CEP290: variants seen among roughly 807,000 people sequenced by gnomAD.
CEP290 encodes centrosomal protein of 290 kDa.
CEP290 carries 317 observed loss-of-function variants against 344.9 expected under a neutral mutation model. The observed-to-expected ratio is 0.92, with a 90% CI of 0.84 to 1.01. The LOEUF (loss-of-function observed/expected upper bound fraction) is 1.01. Among genes scored for constraint, CEP290 ranks in the 50% least tolerant of loss-of-function variants. The pLI, the probability that CEP290 is intolerant of heterozygous loss-of-function variation, is 0.00. For missense variants in CEP290, 2,754 were observed against 2,761.4 expected (o/e 1.00, Z 0.06); for synonymous variants, 932 against 895.8 (o/e 1.04, Z -0.72).
intron 5 of CEP290, 121 bp downstream of exon 5, chr12:88,139,024 C>A (rs2040490489): frequency 3.3e-6 from 2 of 598,406 alleles, no homozygotes; most frequent in Admixed American, 2.9e-5. Context: ...ACAGAATAAA[C>A]AAATAACCAT....
intron 31 of CEP290, among the ~76,000 whole-genome samples, chr12:88,088,523 C>G (rs567993570): frequency 2.0e-5 from 3 of 152,216 alleles, no homozygotes; most frequent in African/African-American, 7.2e-5. Context: ...AACATTCCCA[C>G]TAAAATCTTT....
At chr12:88,069,228 T>C (rs947588867) in intron 43 of CEP290, among the ~76,000 whole-genome samples, 4 of 152,152 alleles carry the variant, frequency 2.6e-5, no homozygotes, top group African/African-American at 9.6e-5. Context: ...TTGCCTCTTA[T>C]CTCTGCTAGG....
rs1565913252 is a variant in CEP290, at chr12:88,129,055, C to G, written c.853-20G>C. ...CTGCACCTAAAAGACAAAGTTATTTCAAGAGTTGTTGCAAACTGATGTAAC... is the reference window on the plus strand; with the variant it reads ...CTGCACCTAAAAGACAAAGTTATTTGAAGAGTTGTTGCAAACTGATGTAAC... On this transcript the variant is annotated intron_variant, in intron 10 of 53. Coordinates refer to ENST00000552810, the MANE Select transcript of CEP290 (RefSeq NM_025114.4). 2.1e-6 allele frequency: 3 copies of G among 1,441,628 alleles called. No homozygotes were observed. Among genetic ancestry groups the G allele is most frequent in the Non-Finnish European group, 2.8e-6 (3 of 1,084,470 alleles). 89.3% of individuals were successfully genotyped at this position (1,441,628 alleles called of 1,614,324 possible).
At chr12:88,128,648 T>G (rs556062490) in intron 11 of CEP290, among the ~76,000 whole-genome samples, 116 of 152,262 alleles carry the variant, frequency 7.6e-4, no homozygotes, top group Non-Finnish European at 1.3e-3. Flanking sequence ...GTAAAAAAAT[T>G]TAAATTATAT....
At chr12:88,072,297 TGTGTTTTGAC>T (rs2035439438) in intron 41 of CEP290, among the ~76,000 whole-genome samples, 1 of 15,826 alleles carries the variant, frequency 6.3e-5, no homozygotes, top group Non-Finnish European at 1.7e-3. Context: ...AAGTTTTGAC[TGTGTTTTGAC>T]TGTGACTCAT....
In CEP290 at chr12:88,080,257, T is replaced by C. The variant is rs2036099160; in HGVS notation, c.5151A>G (p.Arg1717=). The C allele has an allele frequency of 6.2e-7, 1 of 1,613,778 alleles. No homozygotes were observed. Among genetic ancestry groups the C allele is most frequent in the Non-Finnish European group, 8.5e-7 (1 of 1,179,780 alleles). ...ELQAQKEANS[R]APTTTMRNLV... is the part of the protein sequence containing the mutation. ...GATTTCTCATTGTAGTTGTTGGAGCTCTTGAATTTGCTTCTTTTTGAGCCT... is the reference window on the plus strand; with the variant it reads ...GATTTCTCATTGTAGTTGTTGGAGCCCTTGAATTTGCTTCTTTTTGAGCCT... The change falls in exon 38 of 54, where the codon AGA becomes AGG. Residue 1717 remains arginine (R), a synonymous_variant. Coordinates refer to ENST00000552810, the MANE Select transcript of CEP290 (RefSeq NM_025114.4).
chr12:88,054,493 A>T (rs2033842602), intron 50 of CEP290, 80 bp from the exon 51 acceptor site: 1 of 1,087,220 alleles, frequency 9.2e-7, no homozygotes, highest in African/African-American at 1.6e-5. Flanking sequence ...TTTTTAACAA[A>T]GCGTAATATT....
Position 88,133,965 on chromosome 12 carries a change from C to G in CEP290, c.441+2678G>C, listed in dbSNP as rs144259627. Reference sequence around the variant, plus strand: ...CTTTCTTGAGCTTTTCCTTGAAGCACTCTTCCTATTTCATTGCTTTATTAG... The same window carrying G: ...CTTTCTTGAGCTTTTCCTTGAAGCAGTCTTCCTATTTCATTGCTTTATTAG... On this transcript the variant is annotated intron_variant, in intron 6 of 53. Coordinates refer to ENST00000552810, the MANE Select transcript of CEP290 (RefSeq NM_025114.4). Among the ~76,000 whole-genome samples, 174 of 152,296 alleles carry G rather than the reference C, an allele frequency of 1.1e-3. 1 individual carries two copies. The highest frequency in any genetic ancestry group is 4.1e-3 in the African/African-American group (169 of 41,568).
At chr12:88,086,704 T>TATCCATCCATCCATCCATCCATCC (rs71082424) in intron 32 of CEP290, among the ~76,000 whole-genome samples, 11,775 of 149,092 alleles carry the variant, frequency 0.079, 582 homozygotes, top group Non-Finnish European at 0.099. Flanking sequence ...GATTTCAGTC[T>TATCCATCCATCCATCCATCCATCC]ATCCATCCAT....
chr12:88,093,686 G>T (rs1037184304), intron 28 of CEP290, 84 bp downstream of exon 28: 2 of 1,016,922 alleles, frequency 2.0e-6, no homozygotes, highest in Non-Finnish European at 1.5e-6. Flanking sequence ...CAGAGATCCA[G>T]ACAAACCACT....
At chr12:88,120,338 T>A in intron 14 of CEP290, 62 bp from the exon 15 acceptor site, 2 of 886,922 alleles carry the variant, frequency 2.3e-6, no homozygotes, top group Non-Finnish European at 3.2e-6. Flanking sequence ...TTTATCAAGT[T>A]CATGATTTTT....
intron 50 of CEP290, 43 bp downstream of exon 50, chr12:88,055,533 T>C: frequency 6.7e-7 from 1 of 1,486,202 alleles, no homozygotes; most frequent in Non-Finnish European, 9.1e-7. Context: ...TCTTGCGATA[T>C]TATGCATTAT....
chr12:88,090,638 C>G (rs1331444493), intron 30 of CEP290, 90 bp downstream of exon 30: 2 of 823,856 alleles, frequency 2.4e-6, no homozygotes, highest in African/African-American at 3.5e-5. Flanking sequence ...TCGAAACAAA[C>G]AAAAAGTATA....
chr12:88,117,262 C>CA, intron 17 of CEP290, 117 bp from the exon 18 acceptor site: 5 of 563,452 alleles, frequency 8.9e-6, no homozygotes, highest in Non-Finnish European at 1.5e-5. Flanking sequence ...TAATTGTTTC[C>CA]AAAATCCCTC....
chr12:88,111,368 A>T lies in CEP290; in HGVS notation c.2218-17T>A. The T allele has an allele frequency of 1.3e-6, 2 of 1,557,510 alleles. No homozygotes were observed. Among genetic ancestry groups the T allele is most frequent in the Non-Finnish European group, 1.7e-6 (2 of 1,153,326 alleles). On this transcript the variant is annotated splice_polypyrimidine_tract_variant and intron_variant, in intron 21 of 53. Coordinates refer to ENST00000552810, the MANE Select transcript of CEP290 (RefSeq NM_025114.4). ...ATGGTCTATCTGGAAAAAAAAATCC[A>T]GCAATGAGAATCACAACTCTTACAC...
rs376437430 is a variant in CEP290, at chr12:88,067,456, C to T, written c.6135+1066G>A. Among the ~76,000 whole-genome samples, 12 of 152,252 alleles carry T rather than the reference C, an allele frequency of 7.9e-5. No individual in the cohort carries two copies. The East Asian group carries it at 2.1e-3, about 27-fold the overall frequency. On this transcript the variant is annotated intron_variant, in intron 44 of 53. Coordinates refer to ENST00000552810, the MANE Select transcript of CEP290 (RefSeq NM_025114.4). ...ACGCGTCCTTTCTTGGCTGGACTGA[C>T]GCATCAGTTACATCGCCTGCCTGTG...
chr12:88,093,349 A>C (rs1453542970), intron 28 of CEP290, among the ~76,000 whole-genome samples: 1 of 152,112 alleles, frequency 6.6e-6, no homozygotes, highest in Non-Finnish European at 1.5e-5. Context: ...AATGATTCTG[A>C]CCACATCAAA....
intron 10 of CEP290, 32 bp from the exon 11 acceptor site, chr12:88,129,067 C>T: frequency 3.1e-6 from 4 of 1,298,498 alleles, no homozygotes; most frequent in Middle Eastern, 1.9e-4. Context: ...AGAGTTGTTG[C>T]AAACTGATGT....
At chr12:88,079,254 G>A (rs754608103) in intron 38 of CEP290, 25 bp from the exon 39 acceptor site, 1 of 1,542,032 alleles carries the variant, frequency 6.5e-7, no homozygotes, top group African/African-American at 1.4e-5. Flanking sequence ...AAAAAAAAAT[G>A]TAATTTTTAA....
Sources: allele counts gnomAD v4.1 joint callset (sites outside exome capture counted in the v4.1 genomes callset), GRCh38; gene constraint gnomAD v4.1.1; transcripts MANE v1.5; gene names NCBI Gene and HGNC (gene_info 2026-07-23, HGNC 2026-07-21).